The following ZNF385D variants were observed in gnomAD, a reference collection of about 807,000 sequenced individuals.
The protein encoded by ZNF385D is zinc finger protein 385D, also known as zinc finger protein 659.
A neutral mutation model predicts 35.8 loss-of-function variants in ZNF385D; 15 were observed. That is an observed-to-expected ratio of 0.42 (90% CI 0.28 to 0.64). The LOEUF (loss-of-function observed/expected upper bound fraction) is 0.64, where lower values mean the gene tolerates loss of function less well. Ranked by LOEUF, ZNF385D falls within the 30% of genes least tolerant of loss-of-function variation. ZNF385D has a pLI of 0.23. For synonymous variants in ZNF385D, 212 were observed against 186.8 expected, an observed-to-expected ratio of 1.13 and a Z score of -1.10; for missense variants, 474 against 494.6, an observed-to-expected ratio of 0.96 and a Z score of 0.39.
At chr3:21,426,796 G>A (rs749729287) in intron 5 of ZNF385D, among the ~76,000 whole-genome samples, 7 of 152,100 alleles carry the variant, frequency 4.6e-5, no homozygotes, top group Non-Finnish European at 7.4e-5. Context: ...CGAGGTCACT[G>A]CAGATCACAT....
chr3:22,210,101 A>G (rs1559454210), intron 2 of ZNF385D, among the ~76,000 whole-genome samples: 1 of 151,820 alleles, frequency 6.6e-6, no homozygotes, highest in Non-Finnish European at 1.5e-5. Context: ...AACCATTTAT[A>G]CCAGCCAAGT....
chr3:21,529,895 T>C (rs139335542), intron 3 of ZNF385D, among the ~76,000 whole-genome samples: 4 of 152,314 alleles, frequency 2.6e-5, no homozygotes, highest in Non-Finnish European at 4.4e-5. Context: ...AAAAGTGATA[T>C]GGTTTTAATG....
chr3:21,616,770 ACTT>A (rs1374998518), intron 2 of ZNF385D, among the ~76,000 whole-genome samples: 1 of 152,206 alleles, frequency 6.6e-6, no homozygotes, highest in Non-Finnish European at 1.5e-5. Flanking sequence ...AGGACAAAAT[ACTT>A]CTCATGATTT....
chr3:21,776,427 A>G (rs2071290851), intron 3 of ZNF385D, among the ~76,000 whole-genome samples: 1 of 151,984 alleles, frequency 6.6e-6, no homozygotes, highest in Non-Finnish European at 1.5e-5. Context: ...CACCATAACC[A>G]GCACTGAATA....
intron 3 of ZNF385D, among the ~76,000 whole-genome samples, chr3:21,964,280 G>C (rs1381089117): frequency 1.3e-5 from 2 of 151,094 alleles, no homozygotes; most frequent in South Asian, 4.2e-4. Flanking sequence ...TGGCATCATT[G>C]TATGTGTGAA....
At chr3:21,501,059 C>G (rs1190563458) in intron 4 of ZNF385D, among the ~76,000 whole-genome samples, 14 of 152,100 alleles carry the variant, frequency 9.2e-5, no homozygotes, top group Non-Finnish European at 1.5e-5. Flanking sequence ...GGAGGGCCAG[C>G]TTTTTTCGCA....
intron 2 of ZNF385D, among the ~76,000 whole-genome samples, chr3:21,580,567 T>C (rs1199786239): frequency 3.3e-5 from 5 of 151,006 alleles, no homozygotes; most frequent in African/African-American, 1.2e-4. Flanking sequence ...TGCCTATTTT[T>C]TTCTTTGTTT....
At chr3:21,744,209 A>AG (rs2069654780) in intron 1 of ZNF385D, among the ~76,000 whole-genome samples, 2 of 152,188 alleles carry the variant, frequency 1.3e-5, no homozygotes, top group African/African-American at 2.4e-5. Flanking sequence ...TACTTCCCAC[A>AG]ATGGGTCATT....
At chr3:22,109,493 G>A (rs1165732247) in intron 3 of ZNF385D, among the ~76,000 whole-genome samples, 2 of 152,112 alleles carry the variant, frequency 1.3e-5, no homozygotes, top group African/African-American at 2.4e-5. Context: ...GCATCTTAGA[G>A]CTACTGATGT....
chr3:21,939,067 A>G (rs1200521069), intron 3 of ZNF385D, among the ~76,000 whole-genome samples: 3 of 152,124 alleles, frequency 2.0e-5, no homozygotes, highest in Non-Finnish European at 4.4e-5. Context: ...CTAATTTTCC[A>G]TGCTGGCAAC....
chr3:22,166,082 T>A (rs1027820722), intron 3 of ZNF385D, among the ~76,000 whole-genome samples: 2 of 127,252 alleles, frequency 1.6e-5, no homozygotes, highest in Non-Finnish European at 1.9e-5. Flanking sequence ...ACTTTTCTCA[T>A]CCACATGTCC....
intron 3 of ZNF385D, among the ~76,000 whole-genome samples, chr3:21,967,673 C>A (rs1702987974): frequency 2.0e-5 from 3 of 152,186 alleles, no homozygotes. Context: ...TTCTAACACA[C>A]AGAAGACCTT....
chr3:21,581,526 C>T (rs758854468), intron 2 of ZNF385D, among the ~76,000 whole-genome samples: 2 of 152,084 alleles, frequency 1.3e-5, no homozygotes, highest in Non-Finnish European at 2.9e-5. Context: ...ACAGAGAGGG[C>T]TCAATAAAGA....
chr3:22,143,678 A>G (rs1330863526), intron 3 of ZNF385D, among the ~76,000 whole-genome samples: 1 of 152,200 alleles, frequency 6.6e-6, no homozygotes, highest in Non-Finnish European at 1.5e-5. Flanking sequence ...ACAGTAATGT[A>G]ATGAACATCA....
chr3:21,807,769 T>C (rs1042464877), intron 3 of ZNF385D, among the ~76,000 whole-genome samples: 3 of 152,188 alleles, frequency 2.0e-5, no homozygotes, highest in Non-Finnish European at 4.4e-5. Flanking sequence ...CAACTTCTAT[T>C]TTTCAATGGC....
At chr3:21,610,524 A>C (rs1010192332) in intron 2 of ZNF385D, among the ~76,000 whole-genome samples, 1 of 152,016 alleles carries the variant, frequency 6.6e-6, no homozygotes, top group African/African-American at 2.4e-5. Context: ...TAATCCCAGC[A>C]CTCTGGGAGG....
At chr3:21,943,940 A>G (rs1701656521) in intron 3 of ZNF385D, among the ~76,000 whole-genome samples, 1 of 152,218 alleles carries the variant, frequency 6.6e-6, no homozygotes, top group Admixed American at 6.5e-5. Context: ...TTGTCAGTTC[A>G]GTAACGATAA....
intron 2 of ZNF385D, among the ~76,000 whole-genome samples, chr3:21,624,695 C>T (rs1276367455): frequency 6.6e-6 from 1 of 151,976 alleles, no homozygotes; most frequent in African/African-American, 2.4e-5. Flanking sequence ...CTCAGAAGAC[C>T]CAACTCAAGC....
intron 3 of ZNF385D, among the ~76,000 whole-genome samples, chr3:21,790,745 G>A (rs904084440): frequency 1.3e-5 from 2 of 152,146 alleles, no homozygotes; most frequent in Non-Finnish European, 2.9e-5. Flanking sequence ...GTCTTTTTAT[G>A]TTTGACTTTT....
Sources: gnomAD v4.1 joint callset for allele counts (sites outside exome capture counted in the v4.1 genomes callset) on GRCh38, gnomAD v4.1.1 for gene constraint, MANE v1.5 for transcripts, NCBI Gene and HGNC (gene_info 2026-07-23, HGNC 2026-07-21) for gene names.